PSG8: variants seen among roughly 807,000 people sequenced by gnomAD.
The protein encoded by PSG8 is pregnancy specific beta-1-glycoprotein 8.
A neutral mutation model predicts 42.5 loss-of-function variants in PSG8; 57 were observed. The ratio of observed to expected loss-of-function variants is 1.34; its 90% confidence interval spans 1.08 to 1.67. PSG8 has a LOEUF of 1.67. PSG8 is among the 40% of genes most tolerant of loss of function. The pLI, the probability that PSG8 is intolerant of heterozygous loss-of-function variation, is 0.00. For synonymous variants in PSG8, 280 were observed against 196.8 expected (o/e 1.42, Z -3.54); for missense variants, 783 against 518.6 (o/e 1.51, Z -4.95).
chr19:42,764,827 C>A (rs943496872), intron 1 of PSG8, among the ~76,000 whole-genome samples: 3 of 152,120 alleles, frequency 2.0e-5, no homozygotes, highest in Admixed American at 2.0e-4. Flanking sequence ...CCAGAACAGG[C>A]TGCAGACTCC....
At chr19:42,763,635 G>T (rs1970132307) in intron 2 of PSG8, 2 of 569,950 alleles carry the variant, frequency 3.5e-6, no homozygotes, top group Non-Finnish European at 2.9e-6. Context: ...TATGAAGAGG[G>T]CATGAGGTGC....
At chr19:42,761,747 A>C (rs151292599) in intron 2 of PSG8, among the ~76,000 whole-genome samples, 1 of 151,900 alleles carries the variant, frequency 6.6e-6, no homozygotes, top group South Asian at 2.1e-4. Flanking sequence ...GAGTAATAAT[A>C]AACCTCTGTC....
intron 2 of PSG8, among the ~76,000 whole-genome samples, chr19:42,759,643 G>C (rs1293868815): frequency 2.0e-5 from 3 of 152,030 alleles, no homozygotes; most frequent in Non-Finnish European, 2.9e-5. Context: ...TCTGGATTTG[G>C]GATGCTCAAT....
At chr19:42,753,932 A>G, downstream of PSG8, 1 of 544,542 alleles carries the variant, frequency 1.8e-6, no homozygotes, top group Non-Finnish European at 3.5e-6. Context: ...AAATATTTCA[A>G]TTACAGTTCA....
At chr19:42,762,385 T>TG (rs1970099416) in intron 2 of PSG8, among the ~76,000 whole-genome samples, 1 of 151,904 alleles carries the variant, frequency 6.6e-6, no homozygotes, top group Non-Finnish European at 1.5e-5. Flanking sequence ...TTACATGAGC[T>TG]GGGGTGGCTT....
At chr19:42,761,820 A>ATT (rs58868359) in intron 2 of PSG8, among the ~76,000 whole-genome samples, 5,992 of 69,754 alleles carry the variant, frequency 0.086, 1,268 homozygotes, top group Non-Finnish European at 0.11. Flanking sequence ...CATTTCAATA[A>ATT]TTTTTTTTTT....
chr19:42,763,047 T>G (rs1250477977), intron 2 of PSG8, among the ~76,000 whole-genome samples: 2 of 152,154 alleles, frequency 1.3e-5, no homozygotes, highest in Admixed American at 1.3e-4. Context: ...GACAGTGGCT[T>G]TTCATGCTAT....
chr19:42,756,036 T>G (rs1969917199), intron 3 of PSG8: 1 of 152,590 alleles, frequency 6.6e-6, no homozygotes, highest in Admixed American at 6.5e-5. Context: ...AGAGGGCAGG[T>G]GAGGACCATG....
intron 2 of PSG8, chr19:42,763,660 T>C: frequency 1.5e-6 from 1 of 668,086 alleles, no homozygotes; most frequent in Non-Finnish European, 2.4e-6. Context: ...CTGAGACTGA[T>C]CTCCTCCTGC....
chr19:42,759,558 C>T (rs897242362), intron 2 of PSG8, among the ~76,000 whole-genome samples: 6 of 152,104 alleles, frequency 3.9e-5, no homozygotes, highest in Admixed American at 1.3e-4. Flanking sequence ...GCACAATGCG[C>T]CAGTGAGCAC....
intron 1 of PSG8, among the ~76,000 whole-genome samples, chr19:42,765,090 C>A (rs1366448181): frequency 6.6e-6 from 1 of 151,984 alleles, no homozygotes; most frequent in Non-Finnish European, 1.5e-5. Context: ...TGACCCCTGT[C>A]CCTCTCTGGT....
At chr19:42,762,998 C>A (rs2122278179) in intron 2 of PSG8, among the ~76,000 whole-genome samples, 2 of 152,216 alleles carry the variant, frequency 1.3e-5, no homozygotes, top group South Asian at 4.2e-4. Context: ...CTTCCTGTAC[C>A]TCAGTTTTCT....
downstream of PSG8, chr19:42,753,882 A>C (rs1969841719): frequency 2.5e-5 from 12 of 487,774 alleles, no homozygotes; most frequent in South Asian, 1.8e-4. Flanking sequence ...TCTCATGAAT[A>C]GTTGCCCAAT....
At chr19:42,758,816 C>G (rs1600413212) in intron 2 of PSG8, 2 of 162,420 alleles carry the variant, frequency 1.2e-5, no homozygotes, top group African/African-American at 4.8e-5. Flanking sequence ...AGAACAGAGT[C>G]AAGTCCGGAG....
At chr19:42,765,269 C>G (rs528272537) in intron 1 of PSG8, among the ~76,000 whole-genome samples, 1 of 151,854 alleles carries the variant, frequency 6.6e-6, no homozygotes, top group Non-Finnish European at 1.5e-5. Context: ...TCTTCTGCCT[C>G]AGCCTCCCGA....
Position 42,765,605 on chromosome 19 carries a change from C to T in PSG8, c.-24G>A. The T allele has an allele frequency of 6.2e-7, 1 of 1,608,260 alleles. No homozygotes were observed. The highest frequency in any genetic ancestry group is 8.5e-7 in the Non-Finnish European group (1 of 1,176,226). The stretch of plus-strand genomic sequence containing the variant: ...ATGGTCTCTGCTGTCTGTGTGTTCT[C>T]CTCTGTGGAGATGAGCCTAGGATCC... On this transcript the variant is annotated 5_prime_UTR_variant, in exon 1 of 5. Transcript: ENST00000306511.
chr19:42,758,362 T>G (rs1490386397), intron 2 of PSG8, 82 bp from the exon 3 acceptor site: 6 of 1,556,000 alleles, frequency 3.9e-6, no homozygotes, highest in Non-Finnish European at 5.2e-6. Flanking sequence ...AGTTGGCATT[T>G]CCCACCTCTC....
At chr19:42,759,389 G>A (rs1970017057) in intron 2 of PSG8, among the ~76,000 whole-genome samples, 1 of 152,154 alleles carries the variant, frequency 6.6e-6, no homozygotes, top group African/African-American at 2.4e-5. Flanking sequence ...AGGTTCTAGA[G>A]ATCTCCTGTA....
chr19:42,758,312 T>C (rs1227693784), intron 2 of PSG8, 32 bp from the exon 3 acceptor site: 7 of 1,601,386 alleles, frequency 4.4e-6, no homozygotes, highest in Non-Finnish European at 6.0e-6. Flanking sequence ...GATTGCCCTG[T>C]GTGGCACCTT....
Sources: allele counts gnomAD v4.1 joint callset (sites outside exome capture counted in the v4.1 genomes callset), GRCh38; gene constraint gnomAD v4.1.1; transcripts MANE v1.5; gene names NCBI Gene and HGNC (gene_info 2026-07-23, HGNC 2026-07-21).